SGCD: variants seen among roughly 807,000 people sequenced by gnomAD.
SGCD encodes the protein sarcoglycan delta.
A neutral mutation model predicts 36.6 loss-of-function variants in SGCD; 18 were observed. The observed-to-expected ratio is 0.49, with a 90% CI of 0.34 to 0.73. The LOEUF (loss-of-function observed/expected upper bound fraction) is 0.73, where lower values mean the gene tolerates loss of function less well. Among genes scored for constraint, SGCD ranks in the 30% least tolerant of loss-of-function variants. SGCD has a pLI of 0.01. For missense variants in SGCD, 387 were observed against 346.7 expected (o/e 1.12, Z -0.92); for synonymous variants, 133 against 130.6 (o/e 1.02, Z -0.12).
chr5:155,897,537 T>G (rs1338544844), intron 1 of SGCD, among the ~76,000 whole-genome samples: 1 of 152,122 alleles, frequency 6.6e-6, no homozygotes, highest in East Asian at 1.9e-4. Context: ...TCTACAAACT[T>G]TTTAGTTTTT....
intron 7 of SGCD, among the ~76,000 whole-genome samples, chr5:156,655,047 G>A (rs1298222354): frequency 2.0e-5 from 3 of 152,026 alleles, no homozygotes; most frequent in African/African-American, 7.2e-5. Flanking sequence ...CAGTTAAGTT[G>A]GAATGTTATT....
chr5:156,491,050 A>G (rs1755915980), intron 3 of SGCD, among the ~76,000 whole-genome samples: 5 of 152,102 alleles, frequency 3.3e-5, no homozygotes, highest in Admixed American at 2.0e-4. Flanking sequence ...CCAATAGAAA[A>G]CTAGCTGAAA....
At chr5:156,412,919 C>T (rs1772845183) in intron 3 of SGCD, among the ~76,000 whole-genome samples, 1 of 151,492 alleles carries the variant, frequency 6.6e-6, no homozygotes, top group African/African-American at 2.4e-5. Flanking sequence ...CCTCAGCCTC[C>T]TGAGTAGCTG....
chr5:156,098,960 G>C (rs1354677391), intron 1 of SGCD, among the ~76,000 whole-genome samples: 2 of 152,132 alleles, frequency 1.3e-5, no homozygotes, highest in East Asian at 3.9e-4. Context: ...CCTCTTGCTG[G>C]TTGTGTTGGG....
intron 4 of SGCD, among the ~76,000 whole-genome samples, chr5:156,586,440 T>C (rs1760499167): frequency 6.6e-6 from 1 of 152,220 alleles, no homozygotes; most frequent in Admixed American, 6.5e-5. Flanking sequence ...AAAATTACTC[T>C]TTTATTTCCC....
chr5:156,314,385 G>A (rs1581237270), intron 3 of SGCD, among the ~76,000 whole-genome samples: 1 of 151,958 alleles, frequency 6.6e-6, no homozygotes, highest in East Asian at 1.9e-4. Flanking sequence ...CAAAATTTAA[G>A]ATTAAGATTT....
chr5:156,459,516 A>T (rs1330545252), intron 3 of SGCD, among the ~76,000 whole-genome samples: 1 of 152,154 alleles, frequency 6.6e-6, no homozygotes, highest in African/African-American at 2.4e-5. Context: ...GGGACTCAGA[A>T]ATAGCTCAGT....
chr5:156,723,224 G>T (rs190629609), intron 7 of SGCD, among the ~76,000 whole-genome samples: 1 of 152,300 alleles, frequency 6.6e-6, no homozygotes, highest in African/African-American at 2.4e-5. Context: ...GGTAAAATGA[G>T]GGAGAGTTGC....
intron 1 of SGCD, among the ~76,000 whole-genome samples, chr5:156,090,209 T>C (rs557142468): frequency 6.6e-6 from 1 of 152,168 alleles, no homozygotes; most frequent in Non-Finnish European, 1.5e-5. Flanking sequence ...TGTCCTTATT[T>C]CCTGATGTTA....
intron 3 of SGCD, among the ~76,000 whole-genome samples, chr5:156,402,485 G>A (rs1203922828): frequency 1.3e-5 from 2 of 152,178 alleles, no homozygotes; most frequent in Admixed American, 6.5e-5. Context: ...ATGAGACAGC[G>A]TTGCCTGTTA....
At chr5:156,476,612 G>T (rs1322635430) in intron 3 of SGCD, among the ~76,000 whole-genome samples, 2 of 152,146 alleles carry the variant, frequency 1.3e-5, no homozygotes, top group Non-Finnish European at 2.9e-5. Flanking sequence ...AAGAAAAAAT[G>T]CCTTCAAGAA....
chr5:156,642,356 C>A (rs1763058701), intron 6 of SGCD, among the ~76,000 whole-genome samples: 2 of 151,978 alleles, frequency 1.3e-5, no homozygotes, highest in Non-Finnish European at 2.9e-5. Context: ...CTGCTTAAAA[C>A]CTTCACTGTG....
At chr5:156,567,138 T>C (rs1036033759) in intron 4 of SGCD, among the ~76,000 whole-genome samples, 146 of 152,296 alleles carry the variant, frequency 9.6e-4, no homozygotes, top group African/African-American at 3.4e-3. Context: ...AAATATTTTC[T>C]CTTGGTTAAA....
At chr5:156,380,228 G>C (rs773358150) in intron 3 of SGCD, among the ~76,000 whole-genome samples, 3 of 152,082 alleles carry the variant, frequency 2.0e-5, no homozygotes, top group Non-Finnish European at 4.4e-5. Flanking sequence ...TCAGAGAATT[G>C]CTGCAGTAAC....
intron 4 of SGCD, among the ~76,000 whole-genome samples, chr5:156,566,445 C>G (rs1759481365): frequency 6.6e-6 from 1 of 152,126 alleles, no homozygotes; most frequent in Non-Finnish European, 1.5e-5. Flanking sequence ...TAAAACTTAA[C>G]CCCATGCTAA....
intron 3 of SGCD, among the ~76,000 whole-genome samples, chr5:156,186,160 T>C (rs1198931963): frequency 6.6e-6 from 1 of 151,962 alleles, no homozygotes; most frequent in Non-Finnish European, 1.5e-5. Flanking sequence ...GAACCCCTCT[T>C]ATACCAGGAC....
At chr5:155,820,291 C>T in the SGCD span, among the ~76,000 whole-genome samples, 1 of 152,102 alleles carries the variant, frequency 6.6e-6, no homozygotes, top group Non-Finnish European at 1.5e-5. Context: ...GGCTTCTCAA[C>T]CCAGCAGACA....
chr5:156,106,119 A>G (rs1761642297), intron 1 of SGCD, among the ~76,000 whole-genome samples: 1 of 145,464 alleles, frequency 6.9e-6, no homozygotes. Flanking sequence ...CAAAAAAAAA[A>G]AAAAAAAAAA....
chr5:155,757,411 T>C, the SGCD span, among the ~76,000 whole-genome samples: 1 of 152,238 alleles, frequency 6.6e-6, no homozygotes, highest in Non-Finnish European at 1.5e-5. Context: ...ATGTTTTGCA[T>C]ATGTAAAACC....
Sources: gnomAD v4.1 joint callset for allele counts (sites outside exome capture counted in the v4.1 genomes callset) on GRCh38, gnomAD v4.1.1 for gene constraint, MANE v1.5 for transcripts, NCBI Gene and HGNC (gene_info 2026-07-23, HGNC 2026-07-21) for gene names.